Variants in NRG1 observed in about 807,000 individuals in gnomAD.
NRG1 encodes the protein neuregulin 1.
In NRG1, 18 loss-of-function variants were observed where a neutral mutation model predicts 63.8. The observed-to-expected ratio is 0.28, with a 90% CI of 0.19 to 0.42. NRG1 has a LOEUF of 0.42. NRG1 is among the 10% of genes least tolerant of loss of function. The probability of loss-of-function intolerance (pLI) is 1.00; values close to 1 mark genes in which losing one functional copy is unlikely to be tolerated. For missense variants in NRG1, 762 were observed against 814.7 expected (o/e 0.94, Z 0.79); for synonymous variants, 302 against 301.3 (o/e 1.00, Z -0.02).
intron 1 of NRG1, among the ~76,000 whole-genome samples, chr8:32,255,831 A>G (rs1008009416): frequency 5.9e-5 from 9 of 152,092 alleles, no homozygotes; most frequent in Non-Finnish European, 1.2e-4. Context: ...TCTCCCCGTG[A>G]CTTTCAGGTA....
intron 1 of NRG1, among the ~76,000 whole-genome samples, chr8:32,363,382 G>C (rs1807493027): frequency 6.6e-6 from 1 of 152,134 alleles, no homozygotes; most frequent in African/African-American, 2.4e-5. Context: ...AAGGGCTTCT[G>C]ATAACTCATA....
At chr8:31,790,700 A>G (rs2131660401) in intron 1 of NRG1, among the ~76,000 whole-genome samples, 1 of 152,250 alleles carries the variant, frequency 6.6e-6, no homozygotes, top group East Asian at 1.9e-4. Context: ...TTCCTCCATT[A>G]TTCATCAATA....
At chr8:32,007,504 T>C (rs1273006625) in intron 1 of NRG1, among the ~76,000 whole-genome samples, 2 of 152,050 alleles carry the variant, frequency 1.3e-5, no homozygotes, top group Admixed American at 6.6e-5. Context: ...TTTTAACAGA[T>C]AATTAAATGA....
intron 1 of NRG1, among the ~76,000 whole-genome samples, chr8:32,252,843 CA>C (rs1458378060): frequency 7.2e-5 from 11 of 152,068 alleles, no homozygotes; most frequent in Non-Finnish European, 1.5e-4. Context: ...AATGTTTTTC[CA>C]TTTGTTTGTA....
At chr8:32,445,295 A>C (rs1392715679) in intron 1 of NRG1, among the ~76,000 whole-genome samples, 1 of 152,194 alleles carries the variant, frequency 6.6e-6, no homozygotes, top group Non-Finnish European at 1.5e-5. Flanking sequence ...AATGTACATT[A>C]GTTTTATTTT....
intron 1 of NRG1, among the ~76,000 whole-genome samples, chr8:32,147,818 C>A: frequency 6.6e-6 from 1 of 152,296 alleles, no homozygotes; most frequent in Admixed American, 6.5e-5. Context: ...CACTGAACTA[C>A]TAATGGTGGT....
chr8:31,918,407 A>G (rs1198111220), intron 1 of NRG1, among the ~76,000 whole-genome samples: 1 of 152,206 alleles, frequency 6.6e-6, no homozygotes, highest in Non-Finnish European at 1.5e-5. Context: ...AGTTTTTAGC[A>G]TGAAGAGTTG....
At position 32,212,531 on chromosome 8, in the gene NRG1, C is replaced by A. The variant is rs180783089; in HGVS notation, c.38-383297C>A. On this transcript the variant is annotated intron_variant, in intron 1 of 10. Transcript: ENST00000519301. ...AACAGCCACATGTGGTCAGTAAGTA[C>A]CATATTGGACAGGAGAATGCCCATA... Among the ~76,000 whole-genome samples, 6 of 152,154 alleles carry A rather than the reference C, an allele frequency of 3.9e-5. No homozygotes were observed. The East Asian group carries it at 1.2e-3, about 29-fold the overall frequency.
chr8:32,763,450 C>T, intron 11 of NRG1: 1 of 1,357,154 alleles, frequency 7.4e-7, no homozygotes, highest in East Asian at 2.3e-5. Context: ...CTAATGCCTT[C>T]TTGTCTTGGC....
chr8:31,822,905 G>T (rs1824142537), intron 1 of NRG1, among the ~76,000 whole-genome samples: 1 of 152,118 alleles, frequency 6.6e-6, no homozygotes, highest in Admixed American at 6.5e-5. Context: ...TACCCAAGAA[G>T]CCAACAGAGG....
At chr8:31,980,035 G>C (rs1017988164) in intron 1 of NRG1, among the ~76,000 whole-genome samples, 1 of 151,930 alleles carries the variant, frequency 6.6e-6, no homozygotes, top group South Asian at 2.1e-4. Context: ...TCTGAAATAG[G>C]TGCTATTATT....
At chr8:31,930,067 G>T (rs553995447) in intron 1 of NRG1, among the ~76,000 whole-genome samples, 8 of 152,328 alleles carry the variant, frequency 5.3e-5, no homozygotes, top group African/African-American at 1.9e-4. Flanking sequence ...TGTAGACTAA[G>T]AAATTAACTA....
chr8:32,079,542 T>A (rs564552512), intron 1 of NRG1, among the ~76,000 whole-genome samples: 1 of 152,314 alleles, frequency 6.6e-6, no homozygotes, highest in Admixed American at 6.5e-5. Flanking sequence ...AAATTTAACA[T>A]TCTTTCTTGT....
At chr8:31,800,624 G>T (rs756841410) in intron 1 of NRG1, among the ~76,000 whole-genome samples, 2 of 152,102 alleles carry the variant, frequency 1.3e-5, no homozygotes, top group African/African-American at 2.4e-5. Flanking sequence ...CATTTCTAAA[G>T]AGTAATCATA....
chr8:32,196,272 T>C (rs1260915311), intron 1 of NRG1, among the ~76,000 whole-genome samples: 1 of 152,026 alleles, frequency 6.6e-6, no homozygotes, highest in African/African-American at 2.4e-5. Flanking sequence ...ATCCCTGGTC[T>C]GGGGAGGTCC....
intron 1 of NRG1, among the ~76,000 whole-genome samples, chr8:31,860,408 A>G (rs1395492118): frequency 2.0e-5 from 3 of 152,236 alleles, no homozygotes; most frequent in East Asian, 1.9e-4. Flanking sequence ...GATCATGAAA[A>G]TGTTGCATGG....
intron 1 of NRG1, among the ~76,000 whole-genome samples, chr8:32,141,580 C>A (rs1836267821): frequency 3.6e-5 from 3 of 82,528 alleles, no homozygotes; most frequent in Admixed American, 1.4e-4. Flanking sequence ...TATACATATC[C>A]TATGTGTGTG....
intron 1 of NRG1, among the ~76,000 whole-genome samples, chr8:32,024,882 T>C (rs190985587): frequency 6.6e-6 from 1 of 152,356 alleles, no homozygotes; most frequent in Admixed American, 6.5e-5. Flanking sequence ...ATACTGTCTT[T>C]TAACCTGTTT....
At chr8:32,115,188 G>T (rs1832555732) in intron 1 of NRG1, among the ~76,000 whole-genome samples, 1 of 151,884 alleles carries the variant, frequency 6.6e-6, no homozygotes. Flanking sequence ...ATACCACCAT[G>T]CCTGGCTAAA....
Sources: allele counts gnomAD v4.1 joint callset (sites outside exome capture counted in the v4.1 genomes callset), GRCh38; gene constraint gnomAD v4.1.1; transcripts MANE v1.5; gene names NCBI Gene and HGNC (gene_info 2026-07-23, HGNC 2026-07-21).